The following LRRIQ3 variants were observed in gnomAD, a reference collection of about 807,000 sequenced individuals.
LRRIQ3 encodes leucine-rich repeat and IQ domain-containing protein 3.
Under a neutral mutation model 59.3 loss-of-function variants are expected in LRRIQ3, and 75 were observed. The ratio of observed to expected loss-of-function variants is 1.26; its 90% CI spans 1.05 to 1.53. LRRIQ3 has a LOEUF of 1.53. Ranked by LOEUF, LRRIQ3 falls within the 40% of genes most tolerant of loss-of-function variation. LRRIQ3 has a pLI of 0.00. For synonymous variants in LRRIQ3, 250 were observed against 231.3 expected (o/e 1.08, Z -0.73); for missense variants, 831 against 710.0 (o/e 1.17, Z -1.94).
chr1:74,030,330 T>C (rs556319232), intron 7 of LRRIQ3, among the ~76,000 whole-genome samples: 3 of 152,214 alleles, frequency 2.0e-5, no homozygotes, highest in East Asian at 3.9e-4. Flanking sequence ...AGAACAAAGC[T>C]GGAGGCATCA....
At chr1:74,048,423 A>G (rs188798845) in intron 6 of LRRIQ3, among the ~76,000 whole-genome samples, 1 of 152,230 alleles carries the variant, frequency 6.6e-6, no homozygotes, top group Non-Finnish European at 1.5e-5. Context: ...TCTCAATTTC[A>G]TTGTGTTATT....
At chr1:74,168,083 T>C (rs1478085592) in intron 3 of LRRIQ3, among the ~76,000 whole-genome samples, 2 of 152,074 alleles carry the variant, frequency 1.3e-5, no homozygotes, top group African/African-American at 4.8e-5. Context: ...GTTCTATAAA[T>C]GTCAATTACA....
At chr1:74,176,711 G>A (rs1402829973) in intron 3 of LRRIQ3, among the ~76,000 whole-genome samples, 5 of 152,014 alleles carry the variant, frequency 3.3e-5, no homozygotes, top group African/African-American at 7.2e-5. Flanking sequence ...CAGCTTTAGG[G>A]GTAGCCTTGT....
intron 3 of LRRIQ3, among the ~76,000 whole-genome samples, chr1:74,157,949 CT>C: frequency 6.6e-6 from 1 of 152,182 alleles, no homozygotes; most frequent in South Asian, 2.1e-4. Flanking sequence ...TATGAATTTT[CT>C]TTCCCAACCT....
At chr1:74,123,598 C>A (rs554991920) in intron 4 of LRRIQ3, among the ~76,000 whole-genome samples, 1 of 152,164 alleles carries the variant, frequency 6.6e-6, no homozygotes, top group African/African-American at 2.4e-5. Flanking sequence ...ATAATGACTT[C>A]CAATTCCAGC....
intron 1 of LRRIQ3, among the ~76,000 whole-genome samples, chr1:74,185,036 G>A (rs959291812): frequency 2.6e-5 from 4 of 152,050 alleles, no homozygotes; most frequent in African/African-American, 4.8e-5. Flanking sequence ...ACTATGGTTT[G>A]GTTTATTTAT....
chr1:74,046,761 C>T (rs186395159), intron 6 of LRRIQ3, among the ~76,000 whole-genome samples: 1 of 151,918 alleles, frequency 6.6e-6, no homozygotes, highest in African/African-American at 2.4e-5. Flanking sequence ...AGAAAAAAAA[C>T]AAACAAACCC....
At chr1:74,030,363 C>T (rs1304166524) in intron 7 of LRRIQ3, among the ~76,000 whole-genome samples, 2 of 152,086 alleles carry the variant, frequency 1.3e-5, no homozygotes, top group Non-Finnish European at 2.9e-5. Context: ...TCAAACTATA[C>T]TACAAGGCTA....
At chr1:74,119,528 C>T (rs530915159) in intron 4 of LRRIQ3, among the ~76,000 whole-genome samples, 10 of 152,156 alleles carry the variant, frequency 6.6e-5, no homozygotes, top group East Asian at 1.9e-4. Context: ...CCCACAACAA[C>T]GTTACAAAAA....
intron 5 of LRRIQ3, among the ~76,000 whole-genome samples, chr1:74,088,123 A>C (rs765958366): frequency 6.6e-6 from 1 of 151,964 alleles, no homozygotes; most frequent in Non-Finnish European, 1.5e-5. Flanking sequence ...AACAAAAAAA[A>C]ACAATTGTCT....
intron 5 of LRRIQ3, among the ~76,000 whole-genome samples, chr1:74,093,113 T>A (rs1448312143): frequency 6.6e-6 from 1 of 151,386 alleles, no homozygotes; most frequent in African/African-American, 2.4e-5. Flanking sequence ...AGTTTTTGAA[T>A]GAAATGTATT....
intron 6 of LRRIQ3, among the ~76,000 whole-genome samples, chr1:74,051,403 A>G (rs1297525656): frequency 6.6e-6 from 1 of 152,180 alleles, no homozygotes; most frequent in African/African-American, 2.4e-5. Flanking sequence ...AACGTCTCAA[A>G]TAGCCATACC....
intron 4 of LRRIQ3, among the ~76,000 whole-genome samples, chr1:74,124,631 C>T (rs1468526132): frequency 1.3e-5 from 2 of 151,912 alleles, no homozygotes; most frequent in African/African-American, 4.8e-5. Context: ...TTCTCCAATG[C>T]ATGTTCTTGG....
intron 4 of LRRIQ3, among the ~76,000 whole-genome samples, chr1:74,124,769 G>A (rs2100594694): frequency 6.6e-6 from 1 of 152,026 alleles, no homozygotes; most frequent in East Asian, 1.9e-4. Context: ...TATCTCTGTA[G>A]TATAATTTGA....
At chr1:74,028,624 G>T (rs2100350289) in intron 7 of LRRIQ3, among the ~76,000 whole-genome samples, 1 of 152,048 alleles carries the variant, frequency 6.6e-6, no homozygotes, top group African/African-American at 2.4e-5. Context: ...TTATAGTTAA[G>T]AGTACAGGTA....
At chr1:74,171,154 T>G (rs1418683639) in intron 3 of LRRIQ3, among the ~76,000 whole-genome samples, 1 of 152,184 alleles carries the variant, frequency 6.6e-6, no homozygotes, top group African/African-American at 2.4e-5. Flanking sequence ...TTTATTTGTT[T>G]AGTCCCATTG....
intron 5 of LRRIQ3, among the ~76,000 whole-genome samples, chr1:74,078,069 T>C (rs1463281979): frequency 6.6e-6 from 1 of 151,994 alleles, no homozygotes; most frequent in African/African-American, 2.4e-5. Flanking sequence ...AAACTAATTA[T>C]ATCAAATACA....
chr1:74,159,765 C>T (rs1648554606), intron 3 of LRRIQ3, among the ~76,000 whole-genome samples: 1 of 152,024 alleles, frequency 6.6e-6, no homozygotes, highest in Non-Finnish European at 1.5e-5. Context: ...CTTCCAATTC[C>T]ATTTATTTAC....
chr1:74,169,372 A>G (rs1159353245), intron 3 of LRRIQ3, among the ~76,000 whole-genome samples: 2 of 152,150 alleles, frequency 1.3e-5, no homozygotes, highest in African/African-American at 2.4e-5. Context: ...TAATGTTACA[A>G]TCAACATGGA....
Sources: gnomAD v4.1 joint callset for allele counts (sites outside exome capture counted in the v4.1 genomes callset) on GRCh38, gnomAD v4.1.1 for gene constraint, MANE v1.5 for transcripts, NCBI Gene and HGNC (gene_info 2026-07-23, HGNC 2026-07-21) for gene names.